Variants in NELL1 observed in about 807,000 individuals in gnomAD.
The protein encoded by NELL1 is protein kinase C-binding protein NELL1.
In NELL1, 76 loss-of-function variants were observed where a neutral mutation model predicts 107.4. The ratio of observed to expected loss-of-function variants is 0.71; its 90% CI spans 0.59 to 0.86. NELL1 has a LOEUF of 0.86. Ranked by LOEUF, NELL1 falls within the 40% of genes least tolerant of loss-of-function variation. The pLI is 0.00. For missense variants in NELL1, 1,024 were observed against 1,005.5 expected (o/e 1.02, Z -0.25); for synonymous variants, 353 against 341.2 (o/e 1.03, Z -0.38).
chr11:21,467,317 A>G (rs1042595431), intron 15 of NELL1, among the ~76,000 whole-genome samples: 2 of 152,084 alleles, frequency 1.3e-5, no homozygotes, highest in African/African-American at 4.8e-5. Flanking sequence ...CAATGAGTCA[A>G]TAATGTTTTA....
Position 21,390,510 on chromosome 11 carries a change from AACAC to A in NELL1, c.1645+19587_1645+19590del, listed in dbSNP as rs60248049. Among the ~76,000 whole-genome samples, 245 of 142,772 alleles carry A rather than the reference AACAC, an allele frequency of 1.7e-3. 3 individuals are homozygous for A. Among genetic ancestry groups the A allele is most frequent in the Middle Eastern group, 3.6e-3 (1 of 274 alleles). 93.7% of individuals were successfully genotyped at this position (142,772 alleles called of 152,430 possible). A position where few individuals can be genotyped will look rare whatever the true frequency, so the allele number is the denominator to read the frequency against. On this transcript the variant is annotated intron_variant, in intron 15 of 19. Transcript: ENST00000357134. ...CGCTCATCCACAGTGTGTGTGGATG[AACAC>A]ACACACACACACACACACACACACG...
chr11:21,571,346 A>G (rs1234975311), intron 18 of NELL1, among the ~76,000 whole-genome samples: 5 of 151,874 alleles, frequency 3.3e-5, no homozygotes, highest in African/African-American at 7.2e-5. Context: ...AATATCAGAG[A>G]TTTAATCATA....
At chr11:21,333,098 T>A (rs4923540) in intron 14 of NELL1, among the ~76,000 whole-genome samples, 23,223 of 151,916 alleles carry the variant, frequency 0.15, 1,911 homozygotes, top group East Asian at 0.25. Context: ...CATTCTTGGG[T>A]GATATAAGAT....
intron 2 of NELL1, among the ~76,000 whole-genome samples, chr11:20,723,082 C>T (rs1003175856): frequency 4.6e-5 from 7 of 152,098 alleles, no homozygotes; most frequent in Non-Finnish European, 8.8e-5. Context: ...CAGTCGCCTC[C>T]CCTGACATGT....
At chr11:21,263,619 C>T (rs753434619) in intron 14 of NELL1, among the ~76,000 whole-genome samples, 4 of 151,930 alleles carry the variant, frequency 2.6e-5, no homozygotes, top group Non-Finnish European at 4.4e-5. Flanking sequence ...AGTCATCTAA[C>T]TGGGCAGAAT....
At chr11:20,908,389 G>A (rs1293228577) in intron 5 of NELL1, among the ~76,000 whole-genome samples, 5 of 152,110 alleles carry the variant, frequency 3.3e-5, no homozygotes, top group Admixed American at 1.3e-4. Context: ...AAAGGGACAT[G>A]ATCATGTTCT....
intron 13 of NELL1, among the ~76,000 whole-genome samples, chr11:21,203,125 T>C (rs1288976264): frequency 1.3e-5 from 2 of 152,204 alleles, no homozygotes; most frequent in African/African-American, 2.4e-5. Flanking sequence ...GTTCTGTAGA[T>C]GTCTTTTAGG....
At chr11:21,051,911 AATAAAC>A (rs1347643881) in intron 12 of NELL1, among the ~76,000 whole-genome samples, 1 of 152,146 alleles carries the variant, frequency 6.6e-6, no homozygotes, top group Non-Finnish European at 1.5e-5. Flanking sequence ...GTAAATAGAA[AATAAAC>A]ATAATAGATA....
intron 2 of NELL1, among the ~76,000 whole-genome samples, chr11:20,770,336 G>A (rs1224039285): frequency 6.6e-6 from 1 of 152,120 alleles, no homozygotes; most frequent in Non-Finnish European, 1.5e-5. Context: ...TAAAGAGGAG[G>A]TCCATTTTTA....
chr11:21,352,636 C>A (rs1850843601), intron 14 of NELL1, among the ~76,000 whole-genome samples: 1 of 152,074 alleles, frequency 6.6e-6, no homozygotes, highest in Admixed American at 6.6e-5. Context: ...GGGGATGGCC[C>A]TTAATTGGTG....
chr11:21,195,462 T>C (rs1020174501), intron 13 of NELL1, among the ~76,000 whole-genome samples: 1 of 151,962 alleles, frequency 6.6e-6, no homozygotes, highest in African/African-American at 2.4e-5. Context: ...TCCTATTCTT[T>C]CATTTTCTTC....
At chr11:21,058,127 A>T (rs894114237) in intron 12 of NELL1, among the ~76,000 whole-genome samples, 7 of 152,098 alleles carry the variant, frequency 4.6e-5, no homozygotes, top group Admixed American at 1.3e-4. Context: ...TAACTGATAG[A>T]CTGATGGATA....
chr11:21,038,634 ACT>A (rs1408363082), intron 12 of NELL1, among the ~76,000 whole-genome samples: 1 of 151,528 alleles, frequency 6.6e-6, no homozygotes, highest in Non-Finnish European at 1.5e-5. Context: ...GTCTCTTACT[ACT>A]CTCTCTGTGC....
At chr11:20,744,376 T>C (rs1378808484) in intron 2 of NELL1, among the ~76,000 whole-genome samples, 1 of 152,238 alleles carries the variant, frequency 6.6e-6, no homozygotes, top group Non-Finnish European at 1.5e-5. Flanking sequence ...AGACCAGTCT[T>C]CTCACTGTCT....
chr11:20,721,197 A>ATATATATAT (rs1253237083), intron 2 of NELL1, among the ~76,000 whole-genome samples: 1 of 108,318 alleles, frequency 9.2e-6, no homozygotes, highest in African/African-American at 5.6e-5. Context: ...ATATATATAT[A>ATATATATAT]GTGTATATAT....
intron 2 of NELL1, among the ~76,000 whole-genome samples, chr11:20,695,539 A>G (rs2133872731): frequency 6.6e-6 from 1 of 152,106 alleles, no homozygotes; most frequent in South Asian, 2.1e-4. Flanking sequence ...TTCTGTGCCT[A>G]TTTGGATGAT....
intron 12 of NELL1, among the ~76,000 whole-genome samples, chr11:21,090,616 C>A (rs1477066937): frequency 6.6e-6 from 1 of 152,080 alleles, no homozygotes; most frequent in African/African-American, 2.4e-5. Context: ...GAGAACAATG[C>A]CATAAATGCA....
At chr11:21,166,313 A>G (rs1444829090) in intron 13 of NELL1, among the ~76,000 whole-genome samples, 1 of 151,846 alleles carries the variant, frequency 6.6e-6, no homozygotes, top group Non-Finnish European at 1.5e-5. Flanking sequence ...AATAAATAAG[A>G]TGTAGTATTT....
chr11:21,344,331 A>T (rs1590855867), intron 14 of NELL1, among the ~76,000 whole-genome samples: 1 of 152,328 alleles, frequency 6.6e-6, no homozygotes, highest in South Asian at 2.1e-4. Flanking sequence ...CTAAGAAATC[A>T]GGCAGCAGAG....
Sources: gnomAD v4.1 joint callset for allele counts (sites outside exome capture counted in the v4.1 genomes callset) on GRCh38, gnomAD v4.1.1 for gene constraint, MANE v1.5 for transcripts, NCBI Gene and HGNC (gene_info 2026-07-23, HGNC 2026-07-21) for gene names.